Variants in FADS3 observed in about 807,000 individuals in gnomAD.
FADS3 encodes fatty acid desaturase 3.
Under a neutral mutation model 60.4 loss-of-function variants are expected in FADS3, and 30 were observed. That is an observed-to-expected ratio of 0.50 (90% CI 0.37 to 0.67). The LOEUF (loss-of-function observed/expected upper bound fraction) is 0.67, where lower values mean the gene tolerates loss of function less well. Ranked by LOEUF, FADS3 falls within the 30% of genes least tolerant of loss-of-function variation. FADS3 has a pLI of 0.00. For synonymous variants in FADS3, 234 were observed against 249.3 expected (o/e 0.94, Z 0.58); for missense variants, 432 against 598.3 (o/e 0.72, Z 2.90).
At chr11:61,879,587 T>C in intron 2 of FADS3, 78 bp from the exon 3 acceptor site, 2 of 1,393,694 alleles carry the variant, frequency 1.4e-6, no homozygotes, top group South Asian at 2.5e-5. Flanking sequence ...CAGCCGCTCC[T>C]CCCATCGCCA....
intron 1 of FADS3, among the ~76,000 whole-genome samples, chr11:61,890,892 G>A (rs1238235409): frequency 6.6e-6 from 1 of 152,174 alleles, no homozygotes; most frequent in Non-Finnish European, 1.5e-5. Flanking sequence ...CTCACCCAGG[G>A]CAGGCTCTGC....
chr11:61,891,247 G>A lies in FADS3; in HGVS notation c.135C>T (p.Val45=), dbSNP rs1458741556. The A allele has an allele frequency of 7.1e-6, 11 of 1,546,324 alleles. No individual in the cohort carries two copies. Among genetic ancestry groups the A allele is most frequent in the Admixed American group, 3.9e-5 (2 of 51,376 alleles). ...GDKWLVIERR[V]YDISRWAQRH... ...GCTGTGCCCAGCGGCTGATGTCGTA[G>A]ACGCGGCGCTCGATGACCAGCCACT... Residue 45 remains valine, a synonymous_variant, in exon 1 of 12, where the codon GTC becomes GTT. Coordinates refer to ENST00000278829, the MANE Select transcript of FADS3 (RefSeq NM_021727.5).
intron 1 of FADS3, among the ~76,000 whole-genome samples, chr11:61,885,537 A>G (rs555735610): frequency 2.2e-4 from 34 of 152,310 alleles, no homozygotes; most frequent in African/African-American, 8.2e-4. Context: ...AGGGGCCTAC[A>G]GGTGTCAGGG....
rs376097613 is a variant in FADS3 at position 61,877,594 on chromosome 11, G to A, written c.809-7C>T. 4.3e-6 allele frequency: 7 copies of A among 1,613,128 alleles called. No homozygotes were observed. The Admixed American group carries it at 5.0e-5, about 12-fold the overall frequency. Reference sequence around the variant, plus strand: ...GTGAGCAGCGGCGGGCCGACTGCAAGAAGGGGCATGAGAGTGTTCAGGAGT... The same window carrying A: ...GTGAGCAGCGGCGGGCCGACTGCAAAAAGGGGCATGAGAGTGTTCAGGAGT... On this transcript the variant is annotated splice_polypyrimidine_tract_variant and splice_region_variant and intron_variant, in intron 6 of 11. Transcript: ENST00000278829. This position sits in a 1 kb window ranked among gnomAD's most constrained non-coding sequence, Gnocchi z 4.7.
intron 1 of FADS3, among the ~76,000 whole-genome samples, chr11:61,883,366 A>G (rs1938200696): frequency 6.6e-6 from 1 of 152,204 alleles, no homozygotes; most frequent in Admixed American, 6.5e-5. Flanking sequence ...TCCATGTTGC[A>G]GCACGTGTCA....
intron 6 of FADS3, 72 bp downstream of exon 6, chr11:61,878,083 G>T: frequency 7.2e-7 from 1 of 1,385,402 alleles, no homozygotes. Flanking sequence ...GGCTGGGAGT[G>T]GTCCAGGACA....
At chr11:61,880,637 G>C (rs561398179) in intron 1 of FADS3, 1 of 153,796 alleles carries the variant, frequency 6.5e-6, no homozygotes, top group South Asian at 2.0e-4. Context: ...ACTGGGTCAC[G>C]GGGCGGGGGG....
intron 1 of FADS3, among the ~76,000 whole-genome samples, chr11:61,887,953 T>C (rs181047623): frequency 2.6e-5 from 4 of 152,362 alleles, no homozygotes; most frequent in African/African-American, 7.2e-5. Flanking sequence ...ACGTGCCTCA[T>C]AGGGGCACCT....
At chr11:61,878,060 C>T (rs1192900204) in intron 6 of FADS3, 95 bp downstream of exon 6, 22 of 1,111,358 alleles carry the variant, frequency 2.0e-5, no homozygotes, top group Middle Eastern at 2.0e-4. Context: ...AGACGTGCCC[C>T]GCCCCAGGAA....
In FADS3 at chr11:61,877,512, G is replaced by T. The variant is rs760095252; in HGVS notation, c.884C>A (p.Ala295Glu). 6 of 1,612,914 alleles carry T rather than the reference G, an allele frequency of 3.7e-6. No individual in the cohort carries two copies. The highest frequency in any genetic ancestry group is 5.1e-6 in the Non-Finnish European group (6 of 1,179,948). ...LAYMLVCMQW[A>E]DLLWAASFYA... ...GGGGTCCTGGGCAACCCCACTCACCGCCCACTGCATGCACACCAGCATGTA... is the reference window on the plus strand; with the variant it reads ...GGGGTCCTGGGCAACCCCACTCACCTCCCACTGCATGCACACCAGCATGTA... The change falls in exon 7 of 12, where the codon GCG (alanine) becomes GAG (glutamate). Residue 295 changes from alanine to glutamate, a missense_variant and splice_region_variant. Physicochemically the swap from Ala to Glu is moderately radical, Grantham distance 107 (BLOSUM62 -1). Coordinates refer to ENST00000278829, the MANE Select transcript of FADS3 (RefSeq NM_021727.5). This position sits in a 1 kb window ranked among gnomAD's most constrained non-coding sequence, Gnocchi z 4.7.
chr11:61,891,813 T>C (rs12799379), upstream of FADS3: 152,172 of 152,412 alleles, frequency 1, 75,967 homozygotes, highest in Middle Eastern at 1. Flanking sequence ...GGCTTCCAGG[T>C]TCTTGACTCC....
intron 1 of FADS3, among the ~76,000 whole-genome samples, chr11:61,889,216 A>G (rs1565350025): frequency 6.6e-6 from 1 of 152,134 alleles, no homozygotes; most frequent in Admixed American, 6.5e-5. Context: ...TTTAAAACAG[A>G]TATTATTGGC....
Position 61,880,098 on chromosome 11 carries a change from C to T in FADS3, c.267G>A (p.Gln89=). 1.2e-6 allele frequency: 2 copies of T among 1,614,148 alleles called. No individual in the cohort carries two copies. Among genetic ancestry groups the T allele is most frequent in the Non-Finnish European group, 1.7e-6 (2 of 1,179,992 alleles). Residue 89 remains glutamine (Q), a synonymous_variant, in exon 2 of 12, where the codon CAG becomes CAA. Coordinates refer to ENST00000278829, the MANE Select transcript of FADS3 (RefSeq NM_021727.5). The part of the protein sequence containing the change: ...QDLNFVRKFL[Q]PLLIGELAPE... Reference sequence around the variant, plus strand: ...GAGCCAGCTCTCCAATCAACAGGGGCTGTAGGAACTTGCGCACAAAATTGA... The same window carrying T: ...GAGCCAGCTCTCCAATCAACAGGGGTTGTAGGAACTTGCGCACAAAATTGA...
intron 3 of FADS3, 88 bp from the exon 4 acceptor site, chr11:61,878,935 G>T: frequency 9.5e-7 from 1 of 1,048,408 alleles, no homozygotes; most frequent in Non-Finnish European, 1.4e-6. Flanking sequence ...AGCTTGCAGG[G>T]TACCCCCGTG....
chr11:61,880,175 CG>C, intron 1 of FADS3, 24 bp from the exon 2 acceptor site: 1 of 1,595,378 alleles, frequency 6.3e-7, no homozygotes, highest in South Asian at 1.1e-5. Flanking sequence ...GACAGTCAGG[CG>C]GACAGACAGA....
At chr11:61,883,987 A>G (rs567332731) in intron 1 of FADS3, among the ~76,000 whole-genome samples, 54 of 152,186 alleles carry the variant, frequency 3.5e-4, no homozygotes, top group Admixed American at 5.9e-4. Flanking sequence ...CTGGGTGGGC[A>G]CCCTGGGGCT....
At chr11:61,875,759 C>A in intron 11 of FADS3, 92 bp downstream of exon 11, 1 of 1,493,474 alleles carries the variant, frequency 6.7e-7, no homozygotes, top group South Asian at 1.2e-5. Context: ...GGCTCAGGGA[C>A]CCTGGGGGCT....
Position 61,876,119 on chromosome 11 carries a change from G to C in FADS3, c.1152C>G (p.Ile384Met). 1 of 1,609,096 alleles carries C rather than the reference G, an allele frequency of 6.2e-7. No homozygotes were observed. The highest frequency in any genetic ancestry group is 8.5e-7 in the Non-Finnish European group (1 of 1,178,254). ...NWFSGHLNFQ[I>M]EHHLFPRMPR... ...CCAGCACCCACACTCACTGGTGCTCGATCTGGAAGTTGAGGTGCCCGCTGA... is the reference window on the plus strand; with the variant it reads ...CCAGCACCCACACTCACTGGTGCTCCATCTGGAAGTTGAGGTGCCCGCTGA... The change falls in exon 10 of 12, where the codon ATC becomes ATG. Residue 384 changes from isoleucine to methionine, a missense_variant. Ile to Met is a conservative substitution (Grantham distance 10). Around this residue, in one of 5 missense-constraint regions of FADS3, gnomAD observed 48 missense variants for 101.3 expected, o/e 0.47. Transcript: ENST00000278829. The surrounding 1 kb of genome is among the most constrained non-coding windows in gnomAD (Gnocchi z 5.7).
At position 61,876,506 on chromosome 11, in the gene FADS3, CCT is replaced by C. The variant is rs1353077387; in HGVS notation, c.984-53_984-52del. 6.8e-7 allele frequency: 1 copy of C among 1,468,382 alleles called. No homozygotes were observed. The highest frequency in any genetic ancestry group is 9.5e-7 in the Non-Finnish European group (1 of 1,049,192). The allele number at this position is 1,468,382 out of a possible 1,614,324, so 91.0% of individuals were successfully genotyped here. A position where few individuals can be genotyped will look rare whatever the true frequency, so the allele number is the denominator to read the frequency against. ...TAGGTCCAGCTCACCACTTAGGCAC[CCT>C]GAGTGGAGGCTGGAGAGCAGCTGTC... On this transcript the variant is annotated intron_variant, in intron 8 of 11. Coordinates refer to ENST00000278829, the MANE Select transcript of FADS3 (RefSeq NM_021727.5). This position sits in a 1 kb window ranked among gnomAD's most constrained non-coding sequence, Gnocchi z 5.7.
Sources: allele counts gnomAD v4.1 joint callset (sites outside exome capture counted in the v4.1 genomes callset), GRCh38; gene constraint gnomAD v4.1.1; regional missense constraint gnomAD v4.1.1; non-coding constraint Gnocchi (gnomAD v3.1); transcripts MANE v1.5; gene names NCBI Gene and HGNC (gene_info 2026-07-23, HGNC 2026-07-21).